The following ANKS3 variants were observed in gnomAD, a reference collection of about 807,000 sequenced individuals.
ANKS3 encodes the protein ankyrin repeat and SAM domain-containing protein 3.
ANKS3 carries 62 observed loss-of-function variants against 80.7 expected under a neutral mutation model. The ratio of observed to expected loss-of-function variants is 0.77; its 90% CI spans 0.63 to 0.95. ANKS3 has a LOEUF of 0.95. Ranked by LOEUF, ANKS3 falls within the 40% of genes least tolerant of loss-of-function variation. The pLI, the probability that ANKS3 is intolerant of heterozygous loss-of-function variation, is 0.00. For missense variants in ANKS3, 1,150 were observed against 883.6 expected (o/e 1.30, Z -3.82); for synonymous variants, 489 against 355.3 (o/e 1.38, Z -4.23).
chr16:4,726,106 G>C (rs547052821), intron 5 of ANKS3, among the ~76,000 whole-genome samples: 5 of 151,726 alleles, frequency 3.3e-5, no homozygotes, highest in Admixed American at 3.3e-4. Context: ...CTCCCGAGTA[G>C]CTGGGACTAC....
rs141969409 is a variant in ANKS3 at position 4,726,500 on chromosome 16, G to A, written c.491+159C>T. Reference sequence around the variant, plus strand: ...ATGCATCTCACAGATGTACGAAAAGGCCTGTGCCTGGAAGGACTCTGGTCC... The same window carrying A: ...ATGCATCTCACAGATGTACGAAAAGACCTGTGCCTGGAAGGACTCTGGTCC... On this transcript the variant is annotated intron_variant, in intron 5 of 17. Coordinates refer to ENST00000304283, the MANE Select transcript of ANKS3 (RefSeq NM_133450.4). 2.4e-3 allele frequency among the ~76,000 whole-genome samples: 360 copies of A among 152,298 alleles called. 1 individual carries two copies. The highest frequency in any genetic ancestry group is 5.6e-3 in the South Asian group (27 of 4,830).
At chr16:4,719,801 A>T (rs2080993174) in intron 6 of ANKS3, among the ~76,000 whole-genome samples, 1 of 152,152 alleles carries the variant, frequency 6.6e-6, no homozygotes, top group African/African-American at 2.4e-5. Flanking sequence ...CTATATAAAA[A>T]AAATAAATAA....
At chr16:4,704,541 C>A (rs1173972781) in intron 8 of ANKS3, among the ~76,000 whole-genome samples, 2 of 152,202 alleles carry the variant, frequency 1.3e-5, no homozygotes, top group Admixed American at 6.5e-5. Context: ...GCTCAACACC[C>A]TGGGGCTGGG....
In ANKS3 at chr16:4,697,387, C is replaced by G; in HGVS notation, c.1840G>C (p.Ala614Pro). Residue 614 changes from alanine to proline, a missense_variant, in exon 16 of 18, where the codon GCC (alanine) becomes CCC (proline). Coordinates refer to ENST00000304283, the MANE Select transcript of ANKS3 (RefSeq NM_133450.4). Reference sequence around the variant, plus strand: ...CCCGAGAGCTCGGGGAGGCTCATGGCCTGCAGGGACGCTTGCCAGCCCTTG... The same window carrying G: ...CCCGAGAGCTCGGGGAGGCTCATGGGCTGCAGGGACGCTTGCCAGCCCTTG... The part of the protein sequence containing the change: ...DSKGWQASLQ[A>P]MSLPELSGAL... 2 of 1,609,678 alleles carry G rather than the reference C, an allele frequency of 1.2e-6. No homozygotes were observed. Among genetic ancestry groups the G allele is most frequent in the Non-Finnish European group, 1.7e-6 (2 of 1,178,344 alleles).
At chr16:4,718,394 A>AAG (rs1004992949) in intron 6 of ANKS3, among the ~76,000 whole-genome samples, 12 of 152,318 alleles carry the variant, frequency 7.9e-5, no homozygotes, top group African/African-American at 2.9e-4. Context: ...CTTTCTCTTA[A>AAG]AGAGAGAGGC....
Position 4,698,948 on chromosome 16 carries a change from G to C in ANKS3, c.1410-7C>G. The C allele has an allele frequency of 6.2e-7, 1 of 1,605,738 alleles. No homozygotes were observed. On this transcript the variant is annotated splice_polypyrimidine_tract_variant and splice_region_variant and intron_variant, in intron 12 of 17. Transcript: ENST00000304283. ...CCTCTTGGGCCCAAACAGCCTGCGG[G>C]GGGAATGTGACCAGGATATGCCTCA... is the stretch of plus-strand genomic sequence containing the variant.
rs1450306671 is a variant in ANKS3, at chr16:4,698,782, C to G, written c.1551+18G>C. 4 of 1,592,988 alleles carry G rather than the reference C, an allele frequency of 2.5e-6. No homozygotes were observed. The highest frequency in any genetic ancestry group is 3.4e-6 in the Non-Finnish European group (4 of 1,170,648). On this transcript the variant is annotated intron_variant, in intron 13 of 17. Coordinates refer to ENST00000304283, the MANE Select transcript of ANKS3 (RefSeq NM_133450.4). ...ACGGGTGTCACCCTGCCCCCCCATC[C>G]CCCACCCAGCCACTCACCTTGTGCA...
At chr16:4,727,209 C>G (rs1487220468) in intron 3 of ANKS3, 32 bp from the exon 4 acceptor site, 10 of 1,607,980 alleles carry the variant, frequency 6.2e-6, no homozygotes, top group Non-Finnish European at 8.5e-7. Context: ...TAGACATGGC[C>G]AGCCGCCTCG....
intron 1 of ANKS3, among the ~76,000 whole-genome samples, chr16:4,732,196 A>C (rs966103651): frequency 2.6e-5 from 4 of 152,126 alleles, no homozygotes; most frequent in African/African-American, 9.7e-5. Context: ...GCAGAGCCCA[A>C]GATCGTGCAG....
At chr16:4,703,333 C>A (rs72770355) in intron 8 of ANKS3, among the ~76,000 whole-genome samples, 2,897 of 152,142 alleles carry the variant, frequency 0.019, 52 homozygotes, top group Non-Finnish European at 0.029. Flanking sequence ...AGGCTGGTCT[C>A]ACAACTCCTG....
At chr16:4,718,495 C>G (rs990082497) in intron 6 of ANKS3, among the ~76,000 whole-genome samples, 2 of 152,232 alleles carry the variant, frequency 1.3e-5, no homozygotes, top group East Asian at 3.8e-4. Context: ...AAAGCAGCCA[C>G]AGCCCTTTCC....
chr16:4,720,945 C>G (rs147291814), intron 6 of ANKS3, among the ~76,000 whole-genome samples: 1 of 140,384 alleles, frequency 7.1e-6, no homozygotes, highest in Non-Finnish European at 1.5e-5. Flanking sequence ...TCAAAACAAA[C>G]AAACAAACAA....
chr16:4,718,142 A>C (rs2080900569), intron 6 of ANKS3, among the ~76,000 whole-genome samples: 1 of 150,926 alleles, frequency 6.6e-6, no homozygotes, highest in Non-Finnish European at 1.5e-5. Flanking sequence ...ACTGGTCTCC[A>C]ACTCCAGCCT....
chr16:4,714,312 C>T, intron 6 of ANKS3, 126 bp from the exon 7 acceptor site: 1 of 1,364,898 alleles, frequency 7.3e-7, no homozygotes, highest in African/African-American at 1.5e-5. Context: ...TGGGAAACAT[C>T]ACATCTGCAT....
At chr16:4,724,897 C>A in intron 5 of ANKS3, 66 bp from the exon 6 acceptor site, 1 of 1,473,566 alleles carries the variant, frequency 6.8e-7, no homozygotes, top group South Asian at 1.2e-5. Flanking sequence ...AAACTCCCTG[C>A]TGAAGATAAA....
chr16:4,701,758 C>T (rs550234550), intron 9 of ANKS3: 25 of 527,622 alleles, frequency 4.7e-5, no homozygotes, highest in African/African-American at 4.4e-4. Flanking sequence ...CCCAAGCACC[C>T]GGAGCAGTGC....
At chr16:4,721,853 C>T (rs923080266) in intron 6 of ANKS3, among the ~76,000 whole-genome samples, 1 of 151,082 alleles carries the variant, frequency 6.6e-6, no homozygotes, top group African/African-American at 2.4e-5. Context: ...CCAAGCTGGT[C>T]TCAAACTCCT....
chr16:4,713,350 C>G (rs759177484), intron 7 of ANKS3, among the ~76,000 whole-genome samples: 1 of 151,948 alleles, frequency 6.6e-6, no homozygotes, highest in Non-Finnish European at 1.5e-5. Flanking sequence ...AATGACACCA[C>G]TAAAGGACTT....
rs549220913 is a variant in ANKS3 at position 4,708,982 on chromosome 16, G to A, written c.710-3729C>T. On this transcript the variant is annotated intron_variant, in intron 7 of 17. Coordinates refer to ENST00000304283, the MANE Select transcript of ANKS3 (RefSeq NM_133450.4). The stretch of plus-strand genomic sequence containing the variant: ...AACACAAATATTCAAAATAAGAAGT[G>A]AGGCCGGGCGCAGTGGCTCATGCCT... 9.2e-5 allele frequency among the ~76,000 whole-genome samples: 14 copies of A among 151,920 alleles called. No homozygotes were observed. The East Asian group carries it at 2.7e-3, about 29-fold the overall frequency.
Sources: allele counts gnomAD v4.1 joint callset (sites outside exome capture counted in the v4.1 genomes callset), GRCh38; gene constraint gnomAD v4.1.1; transcripts MANE v1.5; gene names NCBI Gene and HGNC (gene_info 2026-07-23, HGNC 2026-07-21).